The following NBEA variants were observed in gnomAD, a reference collection of about 807,000 sequenced individuals.
The protein encoded by NBEA is neurobeachin.
NBEA carries 44 observed loss-of-function variants against 343.4 expected under a neutral mutation model. The observed-to-expected ratio is 0.13, with a 90% CI of 0.10 to 0.16. The LOEUF (loss-of-function observed/expected upper bound fraction) is 0.16, where lower values mean the gene tolerates loss of function less well. NBEA is among the 10% of genes least tolerant of loss of function. The probability of loss-of-function intolerance (pLI) is 1.00; values close to 1 mark genes in which losing one functional copy is unlikely to be tolerated. For synonymous variants in NBEA, 1,175 were observed against 1,238.7 expected (o/e 0.95, Z 1.08); for missense variants, 2,555 against 3,631.3 (o/e 0.70, Z 7.62).
intron 34 of NBEA, among the ~76,000 whole-genome samples, chr13:35,264,773 C>T (rs562750655): frequency 2.0e-4 from 31 of 151,978 alleles, no homozygotes; most frequent in African/African-American, 7.2e-4. Context: ...CTGACAAACA[C>T]GACTAGCATC....
intron 29 of NBEA, 67 bp downstream of exon 29, chr13:35,182,595 C>A: frequency 7.0e-7 from 1 of 1,429,178 alleles, no homozygotes. Context: ...ACCTTTACAT[C>A]TAGATTTAAA....
chr13:35,579,354 T>A (rs1004491421), intron 45 of NBEA, among the ~76,000 whole-genome samples: 5 of 152,148 alleles, frequency 3.3e-5, no homozygotes, highest in African/African-American at 1.2e-4. Flanking sequence ...TCTCATATAA[T>A]ACCATTTATC....
intron 45 of NBEA, among the ~76,000 whole-genome samples, chr13:35,581,903 AAG>A (rs1393298736): frequency 0.011 from 995 of 89,276 alleles, 12 homozygotes; most frequent in African/African-American, 0.031. Flanking sequence ...AAAAAAAGAA[AAG>A]AAAAAAAAAG....
intron 40 of NBEA, among the ~76,000 whole-genome samples, chr13:35,469,505 C>A (rs1328548004): frequency 1.3e-5 from 2 of 152,046 alleles, no homozygotes; most frequent in Non-Finnish European, 2.9e-5. Flanking sequence ...AAGTAAATAA[C>A]ATTTATATTT....
intron 40 of NBEA, among the ~76,000 whole-genome samples, chr13:35,457,447 T>G (rs945979406): frequency 7.2e-5 from 11 of 152,192 alleles, no homozygotes; most frequent in African/African-American, 2.7e-4. Flanking sequence ...ATTTTCCTGT[T>G]CCCTCTTTCG....
chr13:35,499,860 C>A (rs1054064609), intron 41 of NBEA, among the ~76,000 whole-genome samples: 1 of 152,196 alleles, frequency 6.6e-6, no homozygotes, highest in South Asian at 2.1e-4. Flanking sequence ...ACGCTGTCTG[C>A]TCAGACAGTT....
chr13:35,362,719 G>A (rs2040882742), intron 38 of NBEA, among the ~76,000 whole-genome samples: 1 of 151,962 alleles, frequency 6.6e-6, no homozygotes, highest in African/African-American at 2.4e-5. Context: ...TGAGAGCTAT[G>A]TAAATGTACA....
chr13:35,043,783 G>C (rs958100530), intron 2 of NBEA, among the ~76,000 whole-genome samples: 1 of 151,896 alleles, frequency 6.6e-6, no homozygotes, highest in East Asian at 1.9e-4. Context: ...ATTTTTTAAA[G>C]TCTCAAATTC....
At chr13:35,274,798 A>C (rs1263661221) in intron 34 of NBEA, among the ~76,000 whole-genome samples, 3 of 152,126 alleles carry the variant, frequency 2.0e-5, no homozygotes, top group South Asian at 2.1e-4. Context: ...CAACTTATAA[A>C]GGATGTGAAG....
chr13:35,231,408 CAT>C (rs1390463437), intron 33 of NBEA, among the ~76,000 whole-genome samples: 7 of 152,132 alleles, frequency 4.6e-5, no homozygotes, highest in Admixed American at 1.3e-4. Flanking sequence ...ATTTTTGCCT[CAT>C]GTGTAACAAA....
rs1183803976 is a variant in NBEA at position 35,672,357 on chromosome 13, A to C, written c.*1366A>C. On this transcript the variant is annotated 3_prime_UTR_variant, in exon 59 of 59. Coordinates refer to ENST00000379939, the MANE Select transcript of NBEA (RefSeq NM_001385012.1). The stretch of plus-strand genomic sequence containing the variant: ...AAGATAATGGGTTCTTTGTATTGGC[A>C]CTTTGCACCAGAAACATATCATTAT... 2 of 152,664 alleles carry C rather than the reference A, an allele frequency of 1.3e-5. No homozygotes were observed. Among genetic ancestry groups the C allele is most frequent in the East Asian group, 3.8e-4 (2 of 5,200 alleles). The allele number at this position is 152,664 out of a possible 1,614,324, so 9.5% of individuals were successfully genotyped here.
chr13:35,631,727 T>G (rs1008599981), intron 49 of NBEA, among the ~76,000 whole-genome samples: 5 of 151,110 alleles, frequency 3.3e-5, no homozygotes, highest in African/African-American at 1.2e-4. Context: ...TGGCTTAAGG[T>G]TATTGATTCA....
At chr13:35,089,243 G>A (rs2064939154) in intron 10 of NBEA, among the ~76,000 whole-genome samples, 2 of 128,970 alleles carry the variant, frequency 1.6e-5, no homozygotes, top group African/African-American at 5.9e-5. Context: ...TCAAAAAGTG[G>A]GCGAAGGACA....
At chr13:35,189,122 T>C (rs1482061264) in intron 30 of NBEA, among the ~76,000 whole-genome samples, 1 of 152,018 alleles carries the variant, frequency 6.6e-6, no homozygotes, top group East Asian at 1.9e-4. Flanking sequence ...TTTCACCATC[T>C]TGGCCAGGCT....
At chr13:35,553,436 T>G (rs982926655) in intron 43 of NBEA, among the ~76,000 whole-genome samples, 1 of 152,094 alleles carries the variant, frequency 6.6e-6, no homozygotes, top group Non-Finnish European at 1.5e-5. Context: ...GCATCTAGGC[T>G]TAAACCTGTC....
chr13:35,636,949 C>G (rs2083717404), intron 49 of NBEA, among the ~76,000 whole-genome samples: 1 of 152,244 alleles, frequency 6.6e-6, no homozygotes, highest in Non-Finnish European at 1.5e-5. Context: ...ACTCTACAGC[C>G]TTTCCTATCT....
In NBEA at chr13:35,098,325, C is replaced by G. The variant is rs763452385; in HGVS notation, c.1600C>G (p.Leu534Val). ...TACTCTGTTGGCATTCCTGGTTGAA[C>G]TACTTAAAAGTTCAGTAGCCATGCA... ...CATLLAFLVE[L>V]LKSSVAMQEQ... The change falls in exon 11 of 59, where the codon CTA becomes GTA. Residue 534 changes from leucine (L) to valine (V), a missense_variant. Physicochemically the swap from Leu to Val is conservative, Grantham distance 32. Around this residue, in one of 21 missense-constraint regions of NBEA, gnomAD observed 360 missense variants for 519.1 expected, o/e 0.69. Transcript: ENST00000379939. 7.5e-6 allele frequency: 12 copies of G among 1,589,734 alleles called. No individual in the cohort carries two copies. Among genetic ancestry groups the G allele is most frequent in the Non-Finnish European group, 1.0e-5 (12 of 1,166,440 alleles).
rs1040032627 is a variant in NBEA, at chr13:35,163,367, G to C, written c.4080-989G>C. Among the ~76,000 whole-genome samples, 13 of 151,870 alleles carry C rather than the reference G, an allele frequency of 8.6e-5. 1 individual carries two copies. The highest frequency in any genetic ancestry group is 8.5e-4 in the Admixed American group (13 of 15,244). On this transcript the variant is annotated intron_variant, in intron 23 of 58. Coordinates refer to ENST00000379939, the MANE Select transcript of NBEA (RefSeq NM_001385012.1). ...CTTATTTTTTTCCCATTAAAAAACA[G>C]TTCAGGCTAGGTGTGGTGGCTCACA...
At chr13:35,303,919 T>C (rs1463860063) in intron 35 of NBEA, among the ~76,000 whole-genome samples, 1 of 152,204 alleles carries the variant, frequency 6.6e-6, no homozygotes, top group African/African-American at 2.4e-5. Flanking sequence ...ACAATGACTT[T>C]CCTCCCAGCA....
Sources: gnomAD v4.1 joint callset for allele counts (sites outside exome capture counted in the v4.1 genomes callset) on GRCh38, gnomAD v4.1.1 for gene constraint, gnomAD v4.1.1 regional missense constraint, MANE v1.5 for transcripts, NCBI Gene and HGNC (gene_info 2026-07-23, HGNC 2026-07-21) for gene names.